The following CCDC40 variants were observed in gnomAD, a reference collection of about 807,000 sequenced individuals.
The protein encoded by CCDC40 is coiled-coil domain 40 molecular ruler complex subunit, also known as coiled-coil domain-containing protein 40.
In CCDC40, 104 loss-of-function variants were observed where a neutral mutation model predicts 124.5. The observed-to-expected ratio is 0.84, with a 90% CI of 0.71 to 0.98. The LOEUF is 0.98. Ranked by LOEUF, CCDC40 falls within the 50% of genes least tolerant of loss-of-function variation. The pLI, the probability that CCDC40 is intolerant of heterozygous loss-of-function variation, is 0.00. For synonymous variants in CCDC40, 580 were observed against 602.9 expected, an observed-to-expected ratio of 0.96 and a Z score of 0.56; for missense variants, 1,463 against 1,503.9, an observed-to-expected ratio of 0.97 and a Z score of 0.45.
chr17:80,091,260 C>G (rs2038715917), intron 17 of CCDC40, among the ~76,000 whole-genome samples: 1 of 151,646 alleles, frequency 6.6e-6, no homozygotes, highest in Non-Finnish European at 1.5e-5. Flanking sequence ...GTCCTAGACA[C>G]AATGTGTGTT....
At chr17:80,053,870 G>A (rs1479806128) in intron 7 of CCDC40, among the ~76,000 whole-genome samples, 1 of 152,182 alleles carries the variant, frequency 6.6e-6, no homozygotes. Context: ...AGAATTCTAA[G>A]GGAGAAGGAT....
intron 19 of CCDC40, chr17:80,097,931 AAAAGAAAAGAAAAG>A (rs1216120277): frequency 3.1e-5 from 3 of 95,628 alleles, no homozygotes; most frequent in Non-Finnish European, 5.5e-5. Flanking sequence ...AAAAGAAAAG[AAAAGAAAAGAAAAG>A]AAAAGAAAAA....
chr17:80,095,566 G>A (rs2038796676), intron 18 of CCDC40, 115 bp downstream of exon 18: 2 of 982,870 alleles, frequency 2.0e-6, no homozygotes, highest in Non-Finnish European at 3.1e-6. Context: ...TGCAGTGGGG[G>A]CGTGCTCAGC....
intron 2 of CCDC40, among the ~76,000 whole-genome samples, chr17:80,038,959 A>C (rs1247639336): frequency 6.6e-6 from 1 of 152,196 alleles, no homozygotes; most frequent in East Asian, 1.9e-4. Flanking sequence ...TTTTCTTCCT[A>C]CCCCATTCTA....
rs1465532550 is a variant in CCDC40, at chr17:80,075,395, A to G, written c.1563-6151A>G. On this transcript the variant is annotated intron_variant, in intron 10 of 19. Coordinates refer to ENST00000397545, the MANE Select transcript of CCDC40 (RefSeq NM_017950.4). ...CAGGTTCAAGCAATTCTCCTGCCTT[A>G]GTCTCCCAAGTGGCTAAGATTAGAG... Among the ~76,000 whole-genome samples, 3 of 150,004 alleles carry G rather than the reference A, an allele frequency of 2.0e-5. No homozygotes were observed. The Admixed American group carries it at 2.0e-4, about 10-fold the overall frequency.
chr17:80,063,166 G>A (rs1316144914), intron 9 of CCDC40, among the ~76,000 whole-genome samples: 1 of 151,806 alleles, frequency 6.6e-6, no homozygotes, highest in Non-Finnish European at 1.5e-5. Context: ...TTTTGCTCCA[G>A]CCTGGGTGAC....
At chr17:80,039,524 G>T (rs1254040814) in intron 2 of CCDC40, among the ~76,000 whole-genome samples, 1 of 150,906 alleles carries the variant, frequency 6.6e-6, no homozygotes, top group Non-Finnish European at 1.5e-5. Flanking sequence ...CAATTCTCCT[G>T]CCCCAGCCTT....
In CCDC40 at chr17:80,089,869, G is replaced by A; in HGVS notation, c.2817G>A (p.Glu939=). The A allele has an allele frequency of 6.2e-7, 1 of 1,614,256 alleles. No individual in the cohort carries two copies. The highest frequency in any genetic ancestry group is 8.5e-7 in the Non-Finnish European group (1 of 1,180,050). Residue 939 remains glutamate (E), a synonymous_variant, in exon 17 of 20, where the codon GAG becomes GAA. Coordinates refer to ENST00000397545, the MANE Select transcript of CCDC40 (RefSeq NM_017950.4). ...CGGAGATCCGGGCCATGAAGGGCGA[G>A]ATCCACAGGATGAAGGTGAGGGGAG... The part of the protein sequence containing the change: ...GQTEIRAMKG[E]IHRMKVRLGQ...
intron 9 of CCDC40, among the ~76,000 whole-genome samples, chr17:80,063,618 A>G (rs978156690): frequency 2.6e-5 from 4 of 152,184 alleles, no homozygotes; most frequent in African/African-American, 9.6e-5. Context: ...TTACCCCCAT[A>G]CAAAACTGTG....
chr17:80,095,238 C>CCGG (rs1281630462), intron 17 of CCDC40, 25 bp from the exon 18 acceptor site: 2 of 1,612,076 alleles, frequency 1.2e-6, no homozygotes, highest in Non-Finnish European at 1.7e-6. Flanking sequence ...TGCCCCAGCC[C>CCGG]CAGCCCCTCT....
intron 7 of CCDC40, among the ~76,000 whole-genome samples, chr17:80,054,705 G>A (rs1454803946): frequency 6.6e-6 from 1 of 152,234 alleles, no homozygotes; most frequent in Non-Finnish European, 1.5e-5. Flanking sequence ...CGGATGTGGT[G>A]GCTCACGCCT....
chr17:80,051,725 C>T (rs905244922), intron 7 of CCDC40, among the ~76,000 whole-genome samples: 3 of 151,942 alleles, frequency 2.0e-5, no homozygotes, highest in Non-Finnish European at 2.9e-5. Context: ...GTGACATCCA[C>T]ACTGAACTGA....
At chr17:80,054,721 C>G (rs779882030) in intron 7 of CCDC40, among the ~76,000 whole-genome samples, 2 of 152,164 alleles carry the variant, frequency 1.3e-5, no homozygotes, top group Admixed American at 6.5e-5. Context: ...CGCCTGTAAT[C>G]CCAGCACTTT....
intron 3 of CCDC40, among the ~76,000 whole-genome samples, chr17:80,041,433 G>T (rs538015907): frequency 6.6e-6 from 1 of 151,952 alleles, no homozygotes; most frequent in East Asian, 1.9e-4. Flanking sequence ...ACTTGAACTG[G>T]AGAGGCAGGG....
chr17:80,063,134 G>A (rs2037947036), intron 9 of CCDC40, among the ~76,000 whole-genome samples: 1 of 152,046 alleles, frequency 6.6e-6, no homozygotes, highest in African/African-American at 2.4e-5. Flanking sequence ...GGCGGAAATT[G>A]CAGTGAGCCA....
At chr17:80,081,844 G>A (rs748367580) in intron 11 of CCDC40, 32 bp from the exon 12 acceptor site, 2 of 1,613,990 alleles carry the variant, frequency 1.2e-6, no homozygotes, top group Non-Finnish European at 8.5e-7. Context: ...TGCCTCTTCA[G>A]GCACGTGCAC....
chr17:80,084,752 C>T lies in CCDC40; in HGVS notation c.1999C>T (p.Leu667Phe). The change falls in exon 13 of 20, where the codon CTT (leucine) becomes TTT (phenylalanine). Residue 667 changes from leucine (L) to phenylalanine (F), a missense_variant. Leu to Phe is a conservative substitution (Grantham distance 22). Coordinates refer to ENST00000397545, the MANE Select transcript of CCDC40 (RefSeq NM_017950.4). Reference protein sequence around the residue: ...QKEKTNMMTHLSKINGDIAQT... With the variant: ...QKEKTNMMTHFSKINGDIAQT... Reference sequence around the variant, plus strand: ...CTTTTCATCAATTCAGATGACACATCTTTCCAAAATCAACGGTGACATTGC... The same window carrying T: ...CTTTTCATCAATTCAGATGACACATTTTTCCAAAATCAACGGTGACATTGC... 1 of 1,614,054 alleles carries T rather than the reference C, an allele frequency of 6.2e-7. No homozygotes were observed. Among genetic ancestry groups the T allele is most frequent in the Non-Finnish European group, 8.5e-7 (1 of 1,180,026 alleles).
At chr17:80,090,336 TGCACGAACAAGGGACGCGCGCAGGCAC>T in intron 17 of CCDC40, 5 of 651,220 alleles carry the variant, frequency 7.7e-6, no homozygotes, top group Non-Finnish European at 1.1e-5. Flanking sequence ...CGCAGGCACG[TGCACGAACAAGGGACGCGCGCAGGCAC>T]GTGCACGAAC....
intron 10 of CCDC40, among the ~76,000 whole-genome samples, chr17:80,069,220 G>C (rs2143696623): frequency 6.6e-6 from 1 of 152,270 alleles, no homozygotes; most frequent in Non-Finnish European, 1.5e-5. Context: ...TTTGAAGACA[G>C]ACTGACTTCC....
Sources: allele counts gnomAD v4.1 joint callset (sites outside exome capture counted in the v4.1 genomes callset), GRCh38; gene constraint gnomAD v4.1.1; transcripts MANE v1.5; gene names NCBI Gene and HGNC (gene_info 2026-07-23, HGNC 2026-07-21).